The following CCDC171 variants were observed in gnomAD, a reference collection of about 807,000 sequenced individuals.
CCDC171 encodes coiled-coil domain-containing protein 171.
In CCDC171, 177 loss-of-function variants were observed where a neutral mutation model predicts 168.2. The ratio of observed to expected loss-of-function variants is 1.05; its 90% CI spans 0.93 to 1.19. The LOEUF (loss-of-function observed/expected upper bound fraction) is 1.19. Among genes scored for constraint, CCDC171 ranks in the 50% most tolerant of loss-of-function variants. The pLI is 0.00. For missense variants in CCDC171, 1,991 were observed against 1,539.0 expected (o/e 1.29, Z -4.91); for synonymous variants, 687 against 540.8 (o/e 1.27, Z -3.75).
intron 23 of CCDC171, among the ~76,000 whole-genome samples, chr9:15,851,686 T>C (rs1203802871): frequency 6.6e-6 from 1 of 151,904 alleles, no homozygotes; most frequent in Non-Finnish European, 1.5e-5. Context: ...TTCTGGAACA[T>C]TTACATCACT....
rs375601794 is a variant in CCDC171 at position 15,564,143 on chromosome 9, C to G, written c.41+14C>G. ...TGATACCCAAAGGTAAGCCTCTAGT[C>G]TCTTCTTTTAGTTGATGAACGTTTT... On this transcript the variant is annotated intron_variant, in intron 2 of 25. Coordinates refer to ENST00000380701, the MANE Select transcript of CCDC171 (RefSeq NM_173550.4). 9.2e-5 allele frequency: 147 copies of G among 1,594,946 alleles called. No individual in the cohort carries two copies. The highest frequency in any genetic ancestry group is 1.2e-4 in the Non-Finnish European group (144 of 1,168,922).
intron 23 of CCDC171, among the ~76,000 whole-genome samples, chr9:15,868,061 C>G (rs1388444998): frequency 6.6e-6 from 1 of 151,868 alleles, no homozygotes; most frequent in African/African-American, 2.4e-5. Flanking sequence ...TAATTTGATT[C>G]AAGAGATCAG....
intron 24 of CCDC171, among the ~76,000 whole-genome samples, chr9:15,918,495 T>C (rs1824860601): frequency 2.0e-5 from 3 of 151,382 alleles, no homozygotes. Flanking sequence ...TACATGAATT[T>C]ATAAGAATTG....
intron 3 of CCDC171, among the ~76,000 whole-genome samples, chr9:16,019,195 TCTTCTCTC>T (rs1186705871): frequency 6.6e-6 from 1 of 152,186 alleles, no homozygotes; most frequent in Admixed American, 6.5e-5. Context: ...AACCCTGACC[TCTTCTCTC>T]CAGCTACTCC....
chr9:15,855,262 T>G (rs1727657200), intron 23 of CCDC171, among the ~76,000 whole-genome samples: 2 of 151,844 alleles, frequency 1.3e-5, no homozygotes, highest in Admixed American at 6.6e-5. Flanking sequence ...GTGGAAATTG[T>G]TATATCTTCT....
chr9:15,728,075 A>G (rs2053928940), intron 15 of CCDC171, 39 bp downstream of exon 15: 1 of 1,525,430 alleles, frequency 6.6e-7, no homozygotes, highest in African/African-American at 1.4e-5. Flanking sequence ...TATTAAATTC[A>G]GTGACATTTG....
intron 4 of CCDC171, among the ~76,000 whole-genome samples, chr9:15,590,957 C>T (rs985893108): frequency 6.6e-5 from 10 of 151,656 alleles, no homozygotes; most frequent in African/African-American, 2.4e-4. Flanking sequence ...TCAAGTGATC[C>T]TCCCGCCTCA....
Position 15,613,532 on chromosome 9 carries a change from T to C in CCDC171, c.676-9735T>C, listed in dbSNP as rs113711638. Among the ~76,000 whole-genome samples, 17 of 151,452 alleles carry C rather than the reference T, an allele frequency of 1.1e-4. 1 individual carries two copies. Among genetic ancestry groups the C allele is most frequent in the South Asian group, 2.1e-4 (1 of 4,786 alleles). Reference sequence around the variant, plus strand: ...CATTTTTCTTTTTTTCTTTTCTTTTTTTTTTTTTTCAGATGGAGTCTCGCT... The same window carrying C: ...CATTTTTCTTTTTTTCTTTTCTTTTCTTTTTTTTTCAGATGGAGTCTCGCT... On this transcript the variant is annotated intron_variant, in intron 6 of 25. Transcript: ENST00000380701.
intron 2 of CCDC171, among the ~76,000 whole-genome samples, chr9:15,564,420 T>G (rs1464772305): frequency 6.6e-6 from 1 of 152,248 alleles, no homozygotes; most frequent in Non-Finnish European, 1.5e-5. Context: ...TTTAAATGTT[T>G]CCCTTGTATT....
At position 15,916,166 on chromosome 9, in the gene CCDC171, T is replaced by A. The variant is rs565775065; in HGVS notation, c.3601-4104T>A. Among the ~76,000 whole-genome samples the A allele has an allele frequency of 1.8e-3, 274 of 152,028 alleles. 2 individuals carry two copies. Among genetic ancestry groups the A allele is most frequent in the African/African-American group, 6.3e-3 (262 of 41,552 alleles). On this transcript the variant is annotated intron_variant, in intron 24 of 25. Coordinates refer to ENST00000380701, the MANE Select transcript of CCDC171 (RefSeq NM_173550.4). Reference sequence around the variant, plus strand: ...CATTATGTCTAATAATTTACACCTCTCAGAAATATTGAATCTTTCTTTTAT... The same window carrying A: ...CATTATGTCTAATAATTTACACCTCACAGAAATATTGAATCTTTCTTTTAT...
intron 25 of CCDC171, among the ~76,000 whole-genome samples, chr9:15,967,162 A>G (rs911438813): frequency 2.0e-5 from 3 of 152,166 alleles, no homozygotes; most frequent in African/African-American, 7.2e-5. Context: ...AAGAAAGAAA[A>G]CTTTGTGACA....
chr9:15,937,777 G>A (rs758369426), intron 25 of CCDC171, among the ~76,000 whole-genome samples: 2 of 151,920 alleles, frequency 1.3e-5, no homozygotes, highest in Non-Finnish European at 2.9e-5. Context: ...CACCCAAGAC[G>A]TTAAATACAG....
At chr9:15,791,772 T>C (rs1345196635) in intron 21 of CCDC171, among the ~76,000 whole-genome samples, 3 of 152,076 alleles carry the variant, frequency 2.0e-5, no homozygotes, top group African/African-American at 4.8e-5. Flanking sequence ...TCCTGACTGT[T>C]AGAAGGAAAA....
At chr9:15,879,314 G>A (rs1401921729) in intron 24 of CCDC171, among the ~76,000 whole-genome samples, 1 of 150,960 alleles carries the variant, frequency 6.6e-6, no homozygotes, top group East Asian at 1.9e-4. Flanking sequence ...CCTTTTTATT[G>A]GTATGTAATA....
intron 21 of CCDC171, among the ~76,000 whole-genome samples, chr9:15,794,459 G>A (rs116810739): frequency 0.018 from 2,663 of 151,622 alleles, 93 homozygotes; most frequent in African/African-American, 0.061. Flanking sequence ...GCGAGACTCT[G>A]TCCCCGCCCC....
the CCDC171 span, among the ~76,000 whole-genome samples, chr9:16,079,555 A>G: frequency 2.6e-5 from 4 of 152,220 alleles, no homozygotes; most frequent in Non-Finnish European, 5.9e-5. Context: ...AAGCAAACGA[A>G]CAAAGAACAC....
rs368712221 is a variant in CCDC171, at chr9:15,774,328, G to T, written c.2672-3272G>T. Among the ~76,000 whole-genome samples the T allele has an allele frequency of 6.2e-5, 9 of 146,144 alleles. No homozygotes were observed. In the East Asian group the frequency reaches 8.3e-4, roughly 13 times the overall value. On this transcript the variant is annotated intron_variant, in intron 18 of 25. Transcript: ENST00000380701. ...TGAATAGACAATTCTCAAAAGATAT[G>T]CAAGTAGCCAATAAGCAGATGGAAA...
chr9:15,685,919 A>C (rs2050360885), intron 10 of CCDC171, among the ~76,000 whole-genome samples: 1 of 152,204 alleles, frequency 6.6e-6, no homozygotes, highest in South Asian at 2.1e-4. Flanking sequence ...ATTTTCAGGT[A>C]GATGAACATT....
At chr9:15,938,880 T>A (rs1237514565) in intron 25 of CCDC171, among the ~76,000 whole-genome samples, 1 of 151,976 alleles carries the variant, frequency 6.6e-6, no homozygotes, top group Non-Finnish European at 1.5e-5. Context: ...AAAATATGAA[T>A]TTGTTTGAAA....
Sources: gnomAD v4.1 joint callset for allele counts (sites outside exome capture counted in the v4.1 genomes callset) on GRCh38, gnomAD v4.1.1 for gene constraint, MANE v1.5 for transcripts, NCBI Gene and HGNC (gene_info 2026-07-23, HGNC 2026-07-21) for gene names.